The following GOLGA3 variants were observed in gnomAD, a reference collection of about 807,000 sequenced individuals.
GOLGA3 encodes the protein golgin A3, also known as golgin subfamily A member 3.
A neutral mutation model predicts 169.4 loss-of-function variants in GOLGA3; 75 were observed. That is an observed-to-expected ratio of 0.44 (90% CI 0.37 to 0.54). The LOEUF is 0.54. GOLGA3 is among the 20% of genes least tolerant of loss of function. The probability of loss-of-function intolerance (pLI) is 0.00; values close to 1 mark genes in which losing one functional copy is unlikely to be tolerated. For synonymous variants in GOLGA3, 824 were observed against 822.4 expected, an observed-to-expected ratio of 1.00 and a Z score of -0.03; for missense variants, 1,899 against 1,930.0, an observed-to-expected ratio of 0.98 and a Z score of 0.30.
chr12:132,783,908 G>C, intron 16 of GOLGA3: 1 of 1,430,618 alleles, frequency 7.0e-7, no homozygotes, highest in Non-Finnish European at 9.1e-7. Flanking sequence ...CAAAGCATTT[G>C]AACTGAGAAG....
rs567702653 is a variant in GOLGA3 at position 132,786,418 on chromosome 12, G to T, written c.3044C>A (p.Ala1015Glu). The change falls in exon 15 of 24, where the codon GCG becomes GAG. Residue 1015 changes from alanine to glutamate, a missense_variant. Transcript: ENST00000450791. ...ILSRRLQEAL[A>E]AKEAADAELG... ...CTCCGCGTCCGCAGCCTCCTTGGCC[G>T]CGAGGGCCTCCTGCAGGCGGCGGCT... The T allele has an allele frequency of 3.7e-6, 6 of 1,613,114 alleles. No individual in the cohort carries two copies. The highest frequency in any genetic ancestry group is 1.7e-5 in the Admixed American group (1 of 59,944).
intron 18 of GOLGA3, among the ~76,000 whole-genome samples, chr12:132,779,333 C>G (rs2045421114): frequency 6.6e-6 from 1 of 152,218 alleles, no homozygotes. Context: ...CCTGCCTCAG[C>G]CTCCCAAAGT....
At chr12:132,827,334 G>A (rs1950464233) in intron 1 of GOLGA3, among the ~76,000 whole-genome samples, 1 of 152,352 alleles carries the variant, frequency 6.6e-6, no homozygotes, top group Admixed American at 6.5e-5. Context: ...GCAGAGACGT[G>A]AAGGGCAGGC....
intron 2 of GOLGA3, among the ~76,000 whole-genome samples, chr12:132,818,598 A>G (rs1304250915): frequency 6.6e-6 from 1 of 151,994 alleles, no homozygotes; most frequent in African/African-American, 2.4e-5. Context: ...AAATCTTATG[A>G]AAGTCGCCAG....
chr12:132,791,396 C>T, intron 11 of GOLGA3, 103 bp from the exon 12 acceptor site: 1 of 637,116 alleles, frequency 1.6e-6, no homozygotes, highest in Admixed American at 2.6e-5. Flanking sequence ...CACATCTGCA[C>T]AAATGTTACA....
chr12:132,821,936 CGTCCTCCCTCAACACCAG>C lies in GOLGA3; in HGVS notation c.133+42_133+59del, dbSNP rs986913967. 36 of 1,087,944 alleles carry C rather than the reference CGTCCTCCCTCAACACCAG, an allele frequency of 3.3e-5. No individual in the cohort carries two copies. In the East Asian group the frequency reaches 4.3e-4, roughly 13 times the overall value. The allele number at this position is 1,087,944 out of a possible 1,614,324, so 67.4% of individuals were successfully genotyped here. ...AACGCCACATCCTCCCTCAACACCA[CGTCCTCCCTCAACACCAG>C]GTCCTCCTGTGACCAGCACACAGAG... On this transcript the variant is annotated intron_variant, in intron 2 of 23. Transcript: ENST00000450791.
rs1950251780 is a variant in GOLGA3, at chr12:132,822,239, T to C, written c.-111A>G. 1.4e-6 allele frequency: 2 copies of C among 1,431,536 alleles called. No individual in the cohort carries two copies. The highest frequency in any genetic ancestry group is 2.9e-5 in the South Asian group (2 of 70,158). 88.7% of individuals were successfully genotyped at this position (1,431,536 alleles called of 1,614,324 possible). ...AGAGCTCCTGGGAGGGGCCCTACTG[T>C]GTCTCCCATTTTCAGGAGAAGATCT... On this transcript the variant is annotated 5_prime_UTR_variant, in exon 2 of 24. Coordinates refer to ENST00000450791, the MANE Select transcript of GOLGA3 (RefSeq NM_001389683.1).
rs994425040 is a variant in GOLGA3 at position 132,781,000 on chromosome 12, C to T, written c.3466-86G>A. 1.2e-5 allele frequency: 11 copies of T among 940,212 alleles called. No homozygotes were observed. The Admixed American group carries it at 1.4e-4, about 12-fold the overall frequency. The allele number at this position is 940,212 out of a possible 1,614,324, so 58.2% of individuals were successfully genotyped here. A position where few individuals can be genotyped will look rare whatever the true frequency, so the allele number is the denominator to read the frequency against. On this transcript the variant is annotated intron_variant, in intron 17 of 23. Coordinates refer to ENST00000450791, the MANE Select transcript of GOLGA3 (RefSeq NM_001389683.1). ...GCTACAGCAGGCAACGTGACACACG[C>T]CACATCACAGGCACACGCCAGGGAG...
chr12:132,791,850 G>A (rs2046252897), intron 11 of GOLGA3, among the ~76,000 whole-genome samples: 2 of 138,754 alleles, frequency 1.4e-5, no homozygotes, highest in Non-Finnish European at 3.2e-5. Context: ...CATCTGCAGA[G>A]TTGTTACACT....
chr12:132,816,829 C>A lies in GOLGA3; in HGVS notation c.134-17G>T, dbSNP rs907564669. 1 of 1,567,182 alleles carries A rather than the reference C, an allele frequency of 6.4e-7. No individual in the cohort carries two copies. The highest frequency in any genetic ancestry group is 1.4e-5 in the African/African-American group (1 of 73,326). The stretch of plus-strand genomic sequence containing the variant: ...CCTCGGCACCTGGAAAGACAGAGCA[C>A]GCTGGACCACCATGGCTTTAACAAC... On this transcript the variant is annotated splice_polypyrimidine_tract_variant and intron_variant, in intron 2 of 23. Transcript: ENST00000450791.
In GOLGA3 at chr12:132,811,549, C is replaced by T. The variant is rs763410276; in HGVS notation, c.519+1758G>A. Among the ~76,000 whole-genome samples, 55 of 151,926 alleles carry T rather than the reference C, an allele frequency of 3.6e-4. 1 individual carries two copies. Among genetic ancestry groups the T allele is most frequent in the Non-Finnish European group, 4.6e-4 (31 of 68,024 alleles). On this transcript the variant is annotated intron_variant, in intron 4 of 23. Coordinates refer to ENST00000450791, the MANE Select transcript of GOLGA3 (RefSeq NM_001389683.1). ...AATCTTGGCTCACTGCAACCTCTGC[C>T]GCCTGGGTTCAAGCGATTCTCCTGT...
intron 11 of GOLGA3, among the ~76,000 whole-genome samples, chr12:132,795,437 G>T (rs563863773): frequency 6.6e-6 from 1 of 152,076 alleles, no homozygotes; most frequent in Non-Finnish European, 1.5e-5. Flanking sequence ...GACTAGCCTG[G>T]CCAACATGGC....
At chr12:132,779,620 T>C (rs1172500255) in intron 18 of GOLGA3, among the ~76,000 whole-genome samples, 1 of 152,210 alleles carries the variant, frequency 6.6e-6, no homozygotes, top group Non-Finnish European at 1.5e-5. Flanking sequence ...GGAAAAGTGA[T>C]GTGTTCTTTC....
chr12:132,804,828 A>AT lies in GOLGA3; in HGVS notation c.1484dup (p.Asn495LysfsTer101). ...CGTTGTTGGACGACGCCAGGCTGGC[A>AT]TTTTTTGCCTCCAGCATGTTCTGCA... On this transcript the variant is annotated frameshift_variant, in exon 7 of 24. Coordinates refer to ENST00000450791, the MANE Select transcript of GOLGA3 (RefSeq NM_001389683.1). LOFTEE classifies it high-confidence loss of function. This position sits in a 1 kb window ranked among gnomAD's most constrained non-coding sequence, Gnocchi z 4.1. 6.2e-7 allele frequency: 1 copy of AT among 1,614,106 alleles called. No homozygotes were observed. Among genetic ancestry groups the AT allele is most frequent in the Non-Finnish European group, 8.5e-7 (1 of 1,180,006 alleles).
At chr12:132,783,531 T>C (rs1176738827) in intron 16 of GOLGA3, among the ~76,000 whole-genome samples, 2 of 24,918 alleles carry the variant, frequency 8.0e-5, no homozygotes, top group Middle Eastern at 0.012. Flanking sequence ...GACACTGAGC[T>C]GCCACCAGCA....
At chr12:132,774,415 G>A in intron 22 of GOLGA3, 95 bp from the exon 23 acceptor site, 1 of 1,385,632 alleles carries the variant, frequency 7.2e-7, no homozygotes, top group Non-Finnish European at 1.0e-6. Context: ...TCCCCAACTG[G>A]TGGACGTGGG....
At chr12:132,802,717 ATCT>A in intron 7 of GOLGA3, among the ~76,000 whole-genome samples, 1 of 152,238 alleles carries the variant, frequency 6.6e-6, no homozygotes, top group Non-Finnish European at 1.5e-5. Context: ...AATGAAGTAC[ATCT>A]TCTCCATGAA....
At chr12:132,776,157 GT>G in intron 21 of GOLGA3, among the ~76,000 whole-genome samples, 2 of 91,902 alleles carry the variant, frequency 2.2e-5, no homozygotes, top group Non-Finnish European at 6.0e-5. Flanking sequence ...TCATACACAG[GT>G]ACCTGCAGCA....
At chr12:132,822,956 AG>A (rs1950277582) in intron 1 of GOLGA3, among the ~76,000 whole-genome samples, 2 of 152,224 alleles carry the variant, frequency 1.3e-5, no homozygotes. Flanking sequence ...CCAGACTCAC[AG>A]GCCCCCCTCT....
Sources: allele counts gnomAD v4.1 joint callset (sites outside exome capture counted in the v4.1 genomes callset), GRCh38; gene constraint gnomAD v4.1.1; non-coding constraint Gnocchi (gnomAD v3.1); transcripts MANE v1.5; gene names NCBI Gene and HGNC (gene_info 2026-07-23, HGNC 2026-07-21).